The following PLEKHD1 variants were observed in gnomAD, a reference collection of about 807,000 sequenced individuals.
PLEKHD1 encodes pleckstrin homology domain-containing family D member 1.
Under a neutral mutation model 69.2 loss-of-function variants are expected in PLEKHD1, and 51 were observed. That is an observed-to-expected ratio of 0.74 (90% CI 0.59 to 0.93). The LOEUF (loss-of-function observed/expected upper bound fraction) is 0.93. Ranked by LOEUF, PLEKHD1 falls within the 40% of genes least tolerant of loss-of-function variation. PLEKHD1 has a pLI of 0.00. For synonymous variants in PLEKHD1, 236 were observed against 244.7 expected (o/e 0.96, Z 0.33); for missense variants, 584 against 641.0 (o/e 0.91, Z 0.96).
upstream of PLEKHD1, among the ~76,000 whole-genome samples, chr14:69,480,170 G>A (rs74437134): frequency 0.18 from 26,947 of 152,216 alleles, 2,613 homozygotes; most frequent in Middle Eastern, 0.27. Context: ...AGCTGAAATC[G>A]GTGCCACAGC....
At chr14:69,482,762 G>A (rs1356740291), upstream of PLEKHD1, among the ~76,000 whole-genome samples, 4 of 152,034 alleles carry the variant, frequency 2.6e-5, no homozygotes, top group African/African-American at 9.7e-5. Context: ...CCTAACACAA[G>A]TTTTCTAGCT....
At chr14:69,477,107 G>A in the PLEKHD1 span, among the ~76,000 whole-genome samples, 3 of 152,190 alleles carry the variant, frequency 2.0e-5, no homozygotes, top group East Asian at 5.8e-4. Context: ...TGCCTCCCAG[G>A]TTCAAGCAAT....
upstream of PLEKHD1, among the ~76,000 whole-genome samples, chr14:69,483,739 A>G (rs1273539617): frequency 1.3e-5 from 2 of 152,262 alleles, no homozygotes; most frequent in African/African-American, 4.8e-5. Context: ...TCATCTTGGA[A>G]AAGCGCGACT....
intron 6 of PLEKHD1, among the ~76,000 whole-genome samples, chr14:69,510,074 A>G (rs1311206617): frequency 6.6e-6 from 1 of 152,104 alleles, no homozygotes; most frequent in Non-Finnish European, 1.5e-5. Context: ...TTATTTTTTC[A>G]TCAATACCAC....
chr14:69,501,868 G>C, intron 5 of PLEKHD1, 43 bp downstream of exon 5: 1 of 1,472,378 alleles, frequency 6.8e-7, no homozygotes, highest in Non-Finnish European at 9.3e-7. Flanking sequence ...AGCACTTGGG[G>C]ACCAGGGGCT....
At chr14:69,484,420 C>T (rs898744152), upstream of PLEKHD1, among the ~76,000 whole-genome samples, 2 of 152,208 alleles carry the variant, frequency 1.3e-5, no homozygotes, top group South Asian at 2.1e-4. Flanking sequence ...ACGTGGCCCT[C>T]GTCTCGATGT....
At chr14:69,485,256 C>G in intron 1 of PLEKHD1, 142 bp downstream of exon 1, 1 of 1,073,684 alleles carries the variant, frequency 9.3e-7, no homozygotes, top group South Asian at 1.7e-5. Context: ...ACACTGGCTC[C>G]CGCAGGAAAA....
At chr14:69,513,963 T>C (rs1263112648) in intron 6 of PLEKHD1, among the ~76,000 whole-genome samples, 1 of 152,206 alleles carries the variant, frequency 6.6e-6, no homozygotes, top group Non-Finnish European at 1.5e-5. Flanking sequence ...GTAATTCTTA[T>C]CTTCTTTCTT....
chr14:69,492,455 C>G (rs1300454913), intron 1 of PLEKHD1, among the ~76,000 whole-genome samples: 1 of 152,212 alleles, frequency 6.6e-6, no homozygotes, highest in Non-Finnish European at 1.5e-5. Context: ...GCAGTCTACT[C>G]TCCTGGTGTG....
chr14:69,495,292 T>TAA (rs1882863684), intron 1 of PLEKHD1, among the ~76,000 whole-genome samples: 1 of 152,088 alleles, frequency 6.6e-6, no homozygotes, highest in Non-Finnish European at 1.5e-5. Context: ...TGTGGCAACA[T>TAA]CCCCTAATGA....
intron 6 of PLEKHD1, among the ~76,000 whole-genome samples, chr14:69,510,553 T>A (rs1883248384): frequency 1.3e-5 from 2 of 152,296 alleles, no homozygotes; most frequent in African/African-American, 2.4e-5. Context: ...AAATTCCACC[T>A]TTTTATTGCC....
the PLEKHD1 span, among the ~76,000 whole-genome samples, chr14:69,477,397 CT>C: frequency 2.6e-5 from 4 of 152,306 alleles, no homozygotes; most frequent in East Asian, 1.9e-4. Context: ...CATTCTGCCC[CT>C]GGCCCCTCCC....
intron 1 of PLEKHD1, among the ~76,000 whole-genome samples, chr14:69,495,131 C>A (rs756857789): frequency 6.6e-6 from 1 of 152,216 alleles, no homozygotes; most frequent in Admixed American, 6.5e-5. Flanking sequence ...TGAACATCCA[C>A]CTTCCTTCCC....
chr14:69,488,087 C>A (rs766810020), intron 1 of PLEKHD1, among the ~76,000 whole-genome samples: 1 of 152,156 alleles, frequency 6.6e-6, no homozygotes, highest in Non-Finnish European at 1.5e-5. Flanking sequence ...AACCGAGCTC[C>A]GCAGTTTACT....
chr14:69,508,355 G>A (rs1035501798), intron 6 of PLEKHD1, among the ~76,000 whole-genome samples: 1 of 151,722 alleles, frequency 6.6e-6, no homozygotes, highest in East Asian at 1.9e-4. Context: ...ACAGTGAGCC[G>A]AGATTGTGCC....
chr14:69,498,597 T>TCTTCTCTTCC (rs2139503005), intron 1 of PLEKHD1, among the ~76,000 whole-genome samples: 1 of 94,796 alleles, frequency 1.1e-5, no homozygotes, highest in Non-Finnish European at 2.3e-5. Flanking sequence ...TTTTCTCTTC[T>TCTTCTCTTCC]CTTCTCTTCT....
chr14:69,526,546 C>A, intron 9 of PLEKHD1, 151 bp from the exon 10 acceptor site: 4 of 875,732 alleles, frequency 4.6e-6, no homozygotes, highest in South Asian at 5.1e-5. Context: ...TCAATCTCAT[C>A]CCCTGGGTGC....
chr14:69,501,799 T>C lies in PLEKHD1; in HGVS notation c.476T>C (p.Leu159Ser). The change falls in exon 5 of 13, where the codon TTG becomes TCG. Residue 159 changes from leucine (L) to serine (S), a missense_variant. Coordinates refer to ENST00000322564, the MANE Select transcript of PLEKHD1 (RefSeq NM_001161498.2). The part of the protein sequence containing the change: ...IKSLEAQGLQ[L>S]AKEKQEYLDK... ...AGCCTGGAGGCCCAGGGGCTGCAGT[T>C]GGCTAAGGAAAAGCAGGAGTATTTA... 6.4e-7 allele frequency: 1 copy of C among 1,551,424 alleles called. No homozygotes were observed. The highest frequency in any genetic ancestry group is 8.7e-7 in the Non-Finnish European group (1 of 1,146,806).
chr14:69,490,382 G>T (rs150382876), intron 1 of PLEKHD1, among the ~76,000 whole-genome samples: 56 of 152,296 alleles, frequency 3.7e-4, no homozygotes, highest in African/African-American at 1.3e-3. Context: ...CTGACAGGAG[G>T]CGGAGCTCAG....
Sources: gnomAD v4.1 joint callset for allele counts (sites outside exome capture counted in the v4.1 genomes callset) on GRCh38, gnomAD v4.1.1 for gene constraint, MANE v1.5 for transcripts, NCBI Gene and HGNC (gene_info 2026-07-23, HGNC 2026-07-21) for gene names.